MCOLN1: variants seen among roughly 807,000 people sequenced by gnomAD.
The protein encoded by MCOLN1 is mucolipin TRP cation channel 1.
Under a neutral mutation model 70.3 loss-of-function variants are expected in MCOLN1, and 50 were observed. The ratio of observed to expected loss-of-function variants is 0.71; its 90% CI spans 0.57 to 0.90. The LOEUF (loss-of-function observed/expected upper bound fraction) is 0.90, where lower values mean the gene tolerates loss of function less well. MCOLN1 is among the 40% of genes least tolerant of loss of function. The pLI, the probability that MCOLN1 is intolerant of heterozygous loss-of-function variation, is 0.00. For synonymous variants in MCOLN1, 366 were observed against 341.0 expected (o/e 1.07, Z -0.81); for missense variants, 598 against 803.5 (o/e 0.74, Z 3.09).
In MCOLN1 at chr19:7,527,923, A is replaced by G. The variant is rs201338632; in HGVS notation, c.740A>G (p.Asn247Ser). Residue 247 changes from asparagine to serine, a missense_variant, in exon 6 of 14, where the codon AAT (asparagine) becomes AGT (serine). Asn to Ser is a conservative substitution (Grantham distance 46, BLOSUM62 1). This residue lies in a region of MCOLN1 where 461 missense variants were observed against 588.4 expected (regional missense o/e 0.78). Transcript: ENST00000264079. The stretch of plus-strand genomic sequence containing the variant: ...ACCATTAACCTCCAGAGCCTCATCA[A>G]TAATGAGATCCCGGACTGCTATACC... The part of the protein sequence containing the change: ...LKTINLQSLI[N>S]NEIPDCYTFS... The G allele has an allele frequency of 3.1e-6, 5 of 1,614,206 alleles. No individual in the cohort carries two copies. Among genetic ancestry groups the G allele is most frequent in the East Asian group, 2.2e-5 (1 of 44,872 alleles).
At position 7,528,170 on chromosome 19, in the gene MCOLN1, A is replaced by G. The variant is rs776190322; in HGVS notation, c.790A>G (p.Asn264Asp). ...CTGGCCCCCACAGATCACGTTTGAC[A>G]ACAAAGCACACAGTGGGCGGATCCC... is the stretch of plus-strand genomic sequence containing the variant. ...YTFSVLITFD[N>D]KAHSGRIPIS... The change falls in exon 7 of 14, where the codon AAC (asparagine) becomes GAC (aspartate). Residue 264 changes from asparagine to aspartate, a missense_variant. By Grantham distance (23) the Asn-to-Asp change is conservative (BLOSUM62 1). Transcript: ENST00000264079. This position sits in a 1 kb window ranked among gnomAD's most constrained non-coding sequence, Gnocchi z 4.2. The G allele has an allele frequency of 1.2e-6, 2 of 1,613,988 alleles. No individual in the cohort carries two copies. Among genetic ancestry groups the G allele is most frequent in the Admixed American group, 3.3e-5 (2 of 60,006 alleles).
At position 7,525,403 on chromosome 19, in the gene MCOLN1, A is replaced by G; in HGVS notation, c.237+237A>G. 2.1e-6 allele frequency: 1 copy of G among 471,780 alleles called. No individual in the cohort carries two copies. The highest frequency in any genetic ancestry group is 3.9e-6 in the Non-Finnish European group (1 of 254,964). The allele number at this position is 471,780 out of a possible 1,614,324, so 29.2% of individuals were successfully genotyped here. A position where few individuals can be genotyped will look rare whatever the true frequency, so the allele number is the denominator to read the frequency against. ...CAGCTACTTGGCAGGCTGAGGCAGG[A>G]GAATCGCTTGAATTGGGAGGCGGAG... On this transcript the variant is annotated intron_variant, in intron 2 of 13. Coordinates refer to ENST00000264079, the MANE Select transcript of MCOLN1 (RefSeq NM_020533.3). This position sits in a 1 kb window ranked among gnomAD's most constrained non-coding sequence, Gnocchi z 4.2.
In MCOLN1 at chr19:7,525,464, G is replaced by A. The variant is rs1006724674; in HGVS notation, c.237+298G>A. The stretch of plus-strand genomic sequence containing the variant: ...GCTGAAATCATGCCACTGCACTCCA[G>A]CCTGGGCAACAGAGCAAGACTGTCT... On this transcript the variant is annotated intron_variant, in intron 2 of 13. Coordinates refer to ENST00000264079, the MANE Select transcript of MCOLN1 (RefSeq NM_020533.3). The surrounding 1 kb of genome is among the most constrained non-coding windows in gnomAD (Gnocchi z 4.2). 20 of 378,386 alleles carry A rather than the reference G, an allele frequency of 5.3e-5. No homozygotes were observed. In the East Asian group the frequency reaches 1.2e-3, roughly 22 times the overall value. The allele number at this position is 378,386 out of a possible 1,614,324, so 23.4% of individuals were successfully genotyped here. A position where few individuals can be genotyped will look rare whatever the true frequency, so the allele number is the denominator to read the frequency against.
Position 7,528,494 on chromosome 19 carries a change from C to G in MCOLN1, c.878-103C>G. ...CCCTGAGCCCACTGACCAACCAAAA[C>G]CAGCCGTGCAGCCCCCTAGGTCTCC... On this transcript the variant is annotated intron_variant, in intron 7 of 13. Transcript: ENST00000264079. The surrounding 1 kb of genome is among the most constrained non-coding windows in gnomAD (Gnocchi z 4.2). The G allele has an allele frequency of 6.7e-7, 1 of 1,491,430 alleles. No individual in the cohort carries two copies. Among genetic ancestry groups the G allele is most frequent in the East Asian group, 2.4e-5 (1 of 41,582 alleles). 92.4% of individuals were successfully genotyped at this position (1,491,430 alleles called of 1,614,324 possible).
chr19:7,533,495 G>T (rs1174573463), intron 12 of MCOLN1, 28 bp from the exon 13 acceptor site: 3 of 1,609,998 alleles, frequency 1.9e-6, no homozygotes, highest in South Asian at 2.2e-5. Context: ...GCCACTTTCA[G>T]GCTGAGCCTC....
chr19:7,529,445 G>C, intron 10 of MCOLN1, 145 bp from the exon 11 acceptor site: 1 of 1,103,256 alleles, frequency 9.1e-7, no homozygotes, highest in Non-Finnish European at 1.3e-6. Flanking sequence ...ACGTGGCCAC[G>C]CCCCCTCTAG....
Position 7,533,815 on chromosome 19 carries a change from G to A in MCOLN1, c.*20G>A, listed in dbSNP as rs577963171. ...AATTGATTCGACCTGACTGCCGTTG[G>A]ACCGTAGGCCCTGGACTGCAGAGAC... On this transcript the variant is annotated 3_prime_UTR_variant, in exon 14 of 14. Transcript: ENST00000264079. The A allele has an allele frequency of 6.2e-7, 1 of 1,614,066 alleles. No individual in the cohort carries two copies. The highest frequency in any genetic ancestry group is 1.1e-5 in the South Asian group (1 of 91,084).
At position 7,527,961 on chromosome 19, in the gene MCOLN1, G is replaced by A. The variant is rs1057518781; in HGVS notation, c.777+1G>A. The A allele has an allele frequency of 6.2e-7, 1 of 1,613,134 alleles. No individual in the cohort carries two copies. ...GGACTGCTATACCTTCAGCGTCCTG[G>A]TGAGGCCCCCCGGGAACCCACAGGG... On this transcript the variant is annotated splice_donor_variant, in intron 6 of 13. Coordinates refer to ENST00000264079, the MANE Select transcript of MCOLN1 (RefSeq NM_020533.3). LOFTEE classifies it high-confidence loss of function.
In MCOLN1 at chr19:7,533,652, A is replaced by C. The variant is rs1189133612; in HGVS notation, c.1705A>C (p.Arg569=). ...CTGCAGCCTTCTCTGCTGCTGCGGA[A>C]GGTTCGAGTCCCGGGTCTGGCACAT... ...SACSLLCCCG[R]DPSEEHSLLV... Residue 569 remains arginine, a splice_region_variant and synonymous_variant, in exon 13 of 14, where the codon AGG becomes CGG. Coordinates refer to ENST00000264079, the MANE Select transcript of MCOLN1 (RefSeq NM_020533.3). 6.2e-7 allele frequency: 1 copy of C among 1,613,702 alleles called. No individual in the cohort carries two copies. The highest frequency in any genetic ancestry group is 8.5e-7 in the Non-Finnish European group (1 of 1,179,958).
rs538778376 is a variant in MCOLN1, at chr19:7,525,737, A to C, written c.237+571A>C. ...CTTCATGTTTTGGGCTGACTTTAGC[A>C]TGTCACCATGCCTCTAATTTTCCCT... On this transcript the variant is annotated intron_variant, in intron 2 of 13. Transcript: ENST00000264079. The surrounding 1 kb of genome is among the most constrained non-coding windows in gnomAD (Gnocchi z 4.2). 17 of 171,836 alleles carry C rather than the reference A, an allele frequency of 9.9e-5. No individual in the cohort carries two copies. In the South Asian group the frequency reaches 2.2e-3, roughly 23 times the overall value. 10.6% of individuals were successfully genotyped at this position (171,836 alleles called of 1,614,324 possible). A position where few individuals can be genotyped will look rare whatever the true frequency, so the allele number is the denominator to read the frequency against.
At chr19:7,523,534 C>G (rs915430227) in intron 1 of MCOLN1, among the ~76,000 whole-genome samples, 1 of 152,240 alleles carries the variant, frequency 6.6e-6, no homozygotes, top group Non-Finnish European at 1.5e-5. Context: ...ACTTGTCCCT[C>G]TCTGCAAGGG....
chr19:7,527,133 G>C lies in MCOLN1; in HGVS notation c.571+207G>C. The C allele has an allele frequency of 9.0e-6, 6 of 664,688 alleles. No individual in the cohort carries two copies. The South Asian group carries it at 1.0e-4, about 11-fold the overall frequency. The allele number at this position is 664,688 out of a possible 1,614,324, so 41.2% of individuals were successfully genotyped here. ...CTACGCACAAACAAATTAGCTGGGC[G>C]TGGTGGCGTGCCCCTGTGGTCCCAG... On this transcript the variant is annotated intron_variant, in intron 4 of 13. Coordinates refer to ENST00000264079, the MANE Select transcript of MCOLN1 (RefSeq NM_020533.3).
chr19:7,524,843 C>A lies in MCOLN1; in HGVS notation c.32-118C>A. Reference sequence around the variant, plus strand: ...GGTTTTCTTTAGACCTCTCAGAGCTCTTCCTTGGCAGGAGCATGGGGACAT... The same window carrying A: ...GGTTTTCTTTAGACCTCTCAGAGCTATTCCTTGGCAGGAGCATGGGGACAT... On this transcript the variant is annotated intron_variant, in intron 1 of 13. Transcript: ENST00000264079. This position sits in a 1 kb window ranked among gnomAD's most constrained non-coding sequence, Gnocchi z 4.1. 1 of 835,144 alleles carries A rather than the reference C, an allele frequency of 1.2e-6. No homozygotes were observed. The highest frequency in any genetic ancestry group is 2.1e-5 in the Admixed American group (1 of 48,572). The allele number at this position is 835,144 out of a possible 1,614,324, so 51.7% of individuals were successfully genotyped here. A position where few individuals can be genotyped will look rare whatever the true frequency, so the allele number is the denominator to read the frequency against.
At position 7,528,642 on chromosome 19, in the gene MCOLN1, C is replaced by CCTGCTCCCTGTCCTTCCTCCT; in HGVS notation, c.928_948dup (p.Ser310_Cys316dup). 6.2e-7 allele frequency: 1 copy of CCTGCTCCCTGTCCTTCCTCCT among 1,614,246 alleles called. No homozygotes were observed. Among genetic ancestry groups the CCTGCTCCCTGTCCTTCCTCCT allele is most frequent in the South Asian group, 1.1e-5 (1 of 91,086 alleles). On this transcript the variant is annotated inframe_insertion, in exon 8 of 14. Transcript: ENST00000264079. This position sits in a 1 kb window ranked among gnomAD's most constrained non-coding sequence, Gnocchi z 4.2. ...CTGTTTGACGTGGTGGTCATCCTCA[C>CCTGCTCCCTGTCCTTCCTCCT]CTGCTCCCTGTCCTTCCTCCTCTGC...
chr19:7,522,901 T>C, intron 1 of MCOLN1, 120 bp downstream of exon 1: 7 of 926,904 alleles, frequency 7.6e-6, no homozygotes, highest in South Asian at 3.3e-5. Context: ...CTTTTCACGG[T>C]GGAGAAAAGG....
chr19:7,529,505 C>A, intron 10 of MCOLN1, 85 bp from the exon 11 acceptor site: 1 of 755,744 alleles, frequency 1.3e-6, no homozygotes, highest in South Asian at 1.4e-5. Context: ...GGCAAGGCCC[C>A]GCCCCTCCCA....
chr19:7,527,789 G>C, intron 5 of MCOLN1, 75 bp from the exon 6 acceptor site: 2 of 1,284,522 alleles, frequency 1.6e-6, no homozygotes, highest in Non-Finnish European at 2.3e-6. Context: ...GTCAGCACGT[G>C]GCAGGGGACG....
At position 7,528,076 on chromosome 19, in the gene MCOLN1, G is replaced by C. The variant is rs893745580; in HGVS notation, c.778-82G>C. ...GTGCGGGTGATGAGGGAGGGAGCCC[G>C]GGGTCTGTCAGGCCACCTGTCATGT... is the stretch of plus-strand genomic sequence containing the variant. On this transcript the variant is annotated intron_variant, in intron 6 of 13. Transcript: ENST00000264079. The surrounding 1 kb of genome is among the most constrained non-coding windows in gnomAD (Gnocchi z 4.2). The C allele has an allele frequency of 1.9e-6, 3 of 1,544,152 alleles. No individual in the cohort carries two copies. The highest frequency in any genetic ancestry group is 2.2e-5 in the South Asian group (2 of 89,610).
intron 11 of MCOLN1, 106 bp from the exon 12 acceptor site, chr19:7,530,180 C>T: frequency 2.0e-6 from 1 of 494,376 alleles, no homozygotes; most frequent in Non-Finnish European, 3.3e-6. Context: ...TCATGTGGGG[C>T]CCCAGCCACC....
Sources: gnomAD v4.1 joint callset for allele counts (sites outside exome capture counted in the v4.1 genomes callset) on GRCh38, gnomAD v4.1.1 for gene constraint, gnomAD v4.1.1 regional missense constraint, Gnocchi (gnomAD v3.1) non-coding constraint, MANE v1.5 for transcripts, NCBI Gene and HGNC (gene_info 2026-07-23, HGNC 2026-07-21) for gene names.